Variants in OSBP2 observed in about 807,000 individuals in gnomAD.
OSBP2 encodes oxysterol-binding protein 2.
Under a neutral mutation model 96.0 loss-of-function variants are expected in OSBP2, and 66 were observed. The observed-to-expected ratio is 0.69, with a 90% CI of 0.56 to 0.84. The LOEUF is 0.84. OSBP2 is among the 40% of genes least tolerant of loss of function. OSBP2 has a pLI of 0.00. For synonymous variants in OSBP2, 525 were observed against 520.9 expected (o/e 1.01, Z -0.11); for missense variants, 1,038 against 1,222.7 (o/e 0.85, Z 2.25).
chr22:30,730,561 T>C (rs1165443742), intron 1 of OSBP2, among the ~76,000 whole-genome samples: 1 of 151,766 alleles, frequency 6.6e-6, no homozygotes, highest in Non-Finnish European at 1.5e-5. Context: ...AAGTGCTTGC[T>C]GAATTAGAAT....
chr22:30,741,465 GA>G, intron 2 of OSBP2, 96 bp downstream of exon 2: 1 of 1,029,700 alleles, frequency 9.7e-7, no homozygotes, highest in Non-Finnish European at 1.4e-6. Context: ...TGGTGGCCAG[GA>G]GACCCAGGCC....
intron 2 of OSBP2, among the ~76,000 whole-genome samples, chr22:30,800,020 G>A (rs372627004): frequency 2.6e-5 from 4 of 152,188 alleles, no homozygotes; most frequent in African/African-American, 7.2e-5. Context: ...CTAGGCTACC[G>A]TCCCAAGGGT....
chr22:30,743,076 G>A (rs1264849131), intron 2 of OSBP2, among the ~76,000 whole-genome samples: 1 of 152,196 alleles, frequency 6.6e-6, no homozygotes, highest in African/African-American at 2.4e-5. Flanking sequence ...TTAGTGGAAT[G>A]GTGTATTCCA....
intron 2 of OSBP2, among the ~76,000 whole-genome samples, chr22:30,840,542 G>A (rs779173357): frequency 2.0e-5 from 3 of 152,128 alleles, no homozygotes; most frequent in African/African-American, 4.8e-5. Flanking sequence ...AGCCACTTGA[G>A]TTCAGACTTA....
At chr22:30,754,469 C>T (rs1172618678) in intron 2 of OSBP2, among the ~76,000 whole-genome samples, 1 of 152,132 alleles carries the variant, frequency 6.6e-6, no homozygotes, top group African/African-American at 2.4e-5. Context: ...AAGGAGCTCA[C>T]TGTTTGGGGC....
chr22:30,756,522 G>A (rs967989128), intron 2 of OSBP2, among the ~76,000 whole-genome samples: 1 of 152,064 alleles, frequency 6.6e-6, no homozygotes, highest in Non-Finnish European at 1.5e-5. Context: ...GTGAAACCCC[G>A]TCTCTAGTAA....
At chr22:30,703,338 T>A (rs547579232) in intron 1 of OSBP2, among the ~76,000 whole-genome samples, 1 of 152,156 alleles carries the variant, frequency 6.6e-6, no homozygotes, top group Non-Finnish European at 1.5e-5. Context: ...CACACCCAGC[T>A]AATTTTTGTA....
chr22:30,823,932 G>A (rs1008647838), intron 2 of OSBP2, among the ~76,000 whole-genome samples: 14 of 152,340 alleles, frequency 9.2e-5, no homozygotes, highest in African/African-American at 3.4e-4. Context: ...CATCGGTTTG[G>A]ATGGATTTAT....
At chr22:30,829,666 C>T (rs1393146808) in intron 2 of OSBP2, among the ~76,000 whole-genome samples, 1 of 152,204 alleles carries the variant, frequency 6.6e-6, no homozygotes, top group East Asian at 1.9e-4. Flanking sequence ...TAAAATTGTT[C>T]TGATTTGTCA....
intron 2 of OSBP2, among the ~76,000 whole-genome samples, chr22:30,813,958 A>G (rs2091047737): frequency 6.6e-6 from 1 of 151,842 alleles, no homozygotes; most frequent in African/African-American, 2.4e-5. Context: ...GCATGCCATC[A>G]CGTCCAGCAA....
At chr22:30,748,178 A>G (rs953624084) in intron 2 of OSBP2, among the ~76,000 whole-genome samples, 2 of 143,938 alleles carry the variant, frequency 1.4e-5, no homozygotes, top group Admixed American at 1.4e-4. Context: ...CACCCAGCCT[A>G]TTTTTATTTA....
Position 30,844,413 on chromosome 22 carries a change from T to C in OSBP2, c.854-26016T>C, listed in dbSNP as rs2038825656. ...ATGTAGCCACCTTCATCTATTATCT[T>C]AGCTAGATCTTTTGGATAACTTGCT... On this transcript the variant is annotated intron_variant, in intron 2 of 13. Coordinates refer to ENST00000332585, the MANE Select transcript of OSBP2 (RefSeq NM_030758.4). 2.0e-5 allele frequency: 3 copies of C among 152,554 alleles called. No homozygotes were observed. The South Asian group carries it at 6.2e-4, about 31-fold the overall frequency. 9.5% of individuals were successfully genotyped at this position (152,554 alleles called of 1,614,324 possible). A position where few individuals can be genotyped will look rare whatever the true frequency, so the allele number is the denominator to read the frequency against.
chr22:30,841,009 A>T (rs1000650728), intron 2 of OSBP2, among the ~76,000 whole-genome samples: 3 of 152,026 alleles, frequency 2.0e-5, no homozygotes, highest in African/African-American at 7.2e-5. Flanking sequence ...TACTAAAAAT[A>T]CAAAAATTAA....
Position 30,906,559 on chromosome 22 carries a change from C to T in OSBP2, c.*220C>T. On this transcript the variant is annotated 3_prime_UTR_variant, in exon 14 of 14. Transcript: ENST00000332585. ...TCCAGCCCCCAGGTGCGCCGGGTCACCCGTGCCCCTTCATTATGGACCTGG... is the reference window on the plus strand; with the variant it reads ...TCCAGCCCCCAGGTGCGCCGGGTCATCCGTGCCCCTTCATTATGGACCTGG... 2.0e-6 allele frequency: 1 copy of T among 491,514 alleles called. No homozygotes were observed. The allele number at this position is 491,514 out of a possible 1,614,324, so 30.4% of individuals were successfully genotyped here.
At chr22:30,778,669 G>C (rs916478705) in intron 2 of OSBP2, among the ~76,000 whole-genome samples, 1 of 152,026 alleles carries the variant, frequency 6.6e-6, no homozygotes, top group Non-Finnish European at 1.5e-5. Flanking sequence ...TTAAAAAATA[G>C]AAGTGAGTGC....
chr22:30,763,362 G>T (rs1287545043), intron 2 of OSBP2, among the ~76,000 whole-genome samples: 4 of 152,160 alleles, frequency 2.6e-5, no homozygotes. Context: ...ACAAACACAG[G>T]TTGGCCGGGT....
chr22:30,711,739 C>CAAAAA (rs34152986), intron 1 of OSBP2, among the ~76,000 whole-genome samples: 1 of 91,846 alleles, frequency 1.1e-5, no homozygotes, highest in African/African-American at 4.9e-5. Flanking sequence ...GACCCTATCT[C>CAAAAA]AAAAAAAAAA....
At chr22:30,761,457 A>C (rs60487986) in intron 2 of OSBP2, among the ~76,000 whole-genome samples, 7,040 of 152,284 alleles carry the variant, frequency 0.046, 555 homozygotes, top group African/African-American at 0.16. Context: ...AAATGGAGAG[A>C]CATACAATGC....
chr22:30,823,946 G>A (rs1384982804), intron 2 of OSBP2, among the ~76,000 whole-genome samples: 3 of 152,220 alleles, frequency 2.0e-5, no homozygotes, highest in Non-Finnish European at 4.4e-5. Flanking sequence ...GATTTATTCC[G>A]AGGGAGAATT....
Sources: gnomAD v4.1 joint callset for allele counts (sites outside exome capture counted in the v4.1 genomes callset) on GRCh38, gnomAD v4.1.1 for gene constraint, MANE v1.5 for transcripts, NCBI Gene and HGNC (gene_info 2026-07-23, HGNC 2026-07-21) for gene names.